Variants in BBS9 observed in about 807,000 individuals in gnomAD.
BBS9 encodes protein PTHB1.
BBS9 carries 89 observed loss-of-function variants against 117.7 expected under a neutral mutation model. The observed-to-expected ratio is 0.76, with a 90% confidence interval of 0.64 to 0.90. The LOEUF is 0.90. Among genes scored for constraint, BBS9 ranks in the 40% least tolerant of loss-of-function variants. The pLI is 0.00. For missense variants in BBS9, 982 were observed against 1,042.2 expected, an observed-to-expected ratio of 0.94 and a Z score of 0.80; for synonymous variants, 379 against 370.9, an observed-to-expected ratio of 1.02 and a Z score of -0.25.
chr7:33,500,621 C>G (rs937811229), intron 19 of BBS9, among the ~76,000 whole-genome samples: 3 of 152,202 alleles, frequency 2.0e-5, no homozygotes, highest in African/African-American at 7.2e-5. Flanking sequence ...CAGGAAATGA[C>G]AGCTAAACAG....
At chr7:33,524,607 A>AT (rs1221775420) in intron 20 of BBS9, among the ~76,000 whole-genome samples, 2 of 152,070 alleles carry the variant, frequency 1.3e-5, no homozygotes, top group East Asian at 3.9e-4. Flanking sequence ...CCCCTTTATC[A>AT]TTTTTTATTG....
At chr7:33,471,147 T>C (rs1472491782) in intron 19 of BBS9, among the ~76,000 whole-genome samples, 2 of 152,232 alleles carry the variant, frequency 1.3e-5, no homozygotes, top group Non-Finnish European at 2.9e-5. Flanking sequence ...AGTTATCTAA[T>C]TGCTGACTTA....
In BBS9 at chr7:33,432,829, G is replaced by C. The variant is rs117051897; in HGVS notation, c.2115+44685G>C. Among the ~76,000 whole-genome samples, 44 of 151,622 alleles carry C rather than the reference G, an allele frequency of 2.9e-4. No homozygotes were observed. In the East Asian group the frequency reaches 7.9e-3, roughly 27 times the overall value. ...TTTTCCCTCATTTGTATCATATTTG[G>C]AACGTTATGCCCTAAAAGGTTCCCC... On this transcript the variant is annotated intron_variant, in intron 19 of 22. Coordinates refer to ENST00000242067, the MANE Select transcript of BBS9 (RefSeq NM_198428.3).
chr7:33,536,681 T>TCCCCCCCCCCCC (rs1563323298), intron 21 of BBS9, among the ~76,000 whole-genome samples: 3 of 44,204 alleles, frequency 6.8e-5, no homozygotes, highest in Admixed American at 3.5e-4. Flanking sequence ...GATTCGGCCT[T>TCCCCCCCCCCCC]CCCCCCGCCC....
chr7:33,566,344 G>A (rs1585283610), intron 21 of BBS9, among the ~76,000 whole-genome samples: 1 of 151,598 alleles, frequency 6.6e-6, no homozygotes, highest in Admixed American at 6.6e-5. Context: ...AATACATGAT[G>A]CATAACATAA....
intron 21 of BBS9, among the ~76,000 whole-genome samples, chr7:33,619,644 A>G (rs564376464): frequency 6.6e-6 from 1 of 152,220 alleles, no homozygotes; most frequent in Non-Finnish European, 1.5e-5. Context: ...GAAGATTGAC[A>G]TAATATTAAG....
chr7:33,363,205 C>A (rs1262107876), intron 16 of BBS9, among the ~76,000 whole-genome samples: 1 of 152,154 alleles, frequency 6.6e-6, no homozygotes, highest in Non-Finnish European at 1.5e-5. Context: ...CAGGTTCAAG[C>A]AATTCTCCTG....
intron 21 of BBS9, among the ~76,000 whole-genome samples, chr7:33,598,622 A>G (rs1291706522): frequency 2.0e-5 from 3 of 152,348 alleles, no homozygotes; most frequent in East Asian, 1.9e-4. Context: ...GTACTAGCTG[A>G]TAAATTTTTC....
At chr7:33,403,308 T>C (rs899858698) in intron 19 of BBS9, among the ~76,000 whole-genome samples, 49 of 149,982 alleles carry the variant, frequency 3.3e-4, no homozygotes, top group Non-Finnish European at 5.9e-4. Flanking sequence ...TTTTACTTTA[T>C]TTTTTTTTAT....
intron 21 of BBS9, among the ~76,000 whole-genome samples, chr7:33,557,750 C>T (rs560997358): frequency 7.9e-5 from 12 of 152,354 alleles, no homozygotes; most frequent in African/African-American, 1.9e-4. Flanking sequence ...TCTTTTCCAA[C>T]GATCCTGCAG....
At chr7:33,450,992 C>T (rs1350915205) in intron 19 of BBS9, among the ~76,000 whole-genome samples, 2 of 151,208 alleles carry the variant, frequency 1.3e-5, no homozygotes, top group Admixed American at 6.6e-5. Context: ...GGGTTCATGC[C>T]ATTCTCCTGC....
chr7:33,381,908 T>C (rs1825108730), intron 17 of BBS9, among the ~76,000 whole-genome samples: 1 of 152,204 alleles, frequency 6.6e-6, no homozygotes, highest in South Asian at 2.1e-4. Flanking sequence ...TGGATGGAGA[T>C]GACAAATTGA....
chr7:33,345,060 T>C (rs1478544667), intron 12 of BBS9, among the ~76,000 whole-genome samples: 2 of 152,304 alleles, frequency 1.3e-5, no homozygotes, highest in East Asian at 1.9e-4. Flanking sequence ...CTTCTACCTA[T>C]GATTATGTGG....
At chr7:33,437,590 C>G (rs1045990743) in intron 19 of BBS9, among the ~76,000 whole-genome samples, 1 of 152,052 alleles carries the variant, frequency 6.6e-6, no homozygotes, top group African/African-American at 2.4e-5. Context: ...TCTTTAAGAA[C>G]AGTTTTTGGG....
intron 5 of BBS9, among the ~76,000 whole-genome samples, chr7:33,180,672 A>G (rs923390681): frequency 3.3e-5 from 5 of 152,138 alleles, no homozygotes; most frequent in East Asian, 1.9e-4. Flanking sequence ...TTCTTTGAGC[A>G]CTAGTTCTTC....
At chr7:33,579,685 A>G (rs1488585572) in intron 21 of BBS9, among the ~76,000 whole-genome samples, 2 of 152,060 alleles carry the variant, frequency 1.3e-5, no homozygotes, top group African/African-American at 4.8e-5. Context: ...GCTTCCCAGT[A>G]CCCCTGATGA....
intron 5 of BBS9, among the ~76,000 whole-genome samples, chr7:33,186,574 T>A (rs1057384998): frequency 2.0e-5 from 3 of 152,198 alleles, no homozygotes; most frequent in Non-Finnish European, 4.4e-5. Context: ...AACTTCTGGG[T>A]CGTATGTTTG....
chr7:33,445,643 A>G (rs1836874527), intron 19 of BBS9, among the ~76,000 whole-genome samples: 1 of 152,140 alleles, frequency 6.6e-6, no homozygotes, highest in Non-Finnish European at 1.5e-5. Context: ...AATGATATTG[A>G]TATGGTTTGG....
At chr7:33,490,910 T>C (rs968909295) in intron 19 of BBS9, among the ~76,000 whole-genome samples, 1 of 152,208 alleles carries the variant, frequency 6.6e-6, no homozygotes, top group Non-Finnish European at 1.5e-5. Flanking sequence ...ATGGGCTTTG[T>C]TGGGTAGCCA....
Sources: gnomAD v4.1 joint callset for allele counts (sites outside exome capture counted in the v4.1 genomes callset) on GRCh38, gnomAD v4.1.1 for gene constraint, MANE v1.5 for transcripts, NCBI Gene and HGNC (gene_info 2026-07-23, HGNC 2026-07-21) for gene names.